Variants in NRXN3 observed in about 807,000 individuals in gnomAD.
The protein encoded by NRXN3 is neurexin 3, also known as neurexin III.
A neutral mutation model predicts 137.6 loss-of-function variants in NRXN3; 32 were observed. That is an observed-to-expected ratio of 0.23 (90% confidence interval 0.18 to 0.31). The LOEUF (loss-of-function observed/expected upper bound fraction) is 0.31, where lower values mean the gene tolerates loss of function less well. Among genes scored for constraint, NRXN3 ranks in the 10% least tolerant of loss-of-function variants. The pLI is 1.00. For synonymous variants in NRXN3, 798 were observed against 784.5 expected, an observed-to-expected ratio of 1.02 and a Z score of -0.29; for missense variants, 1,574 against 2,062.5, an observed-to-expected ratio of 0.76 and a Z score of 4.59.
intron 17 of NRXN3, among the ~76,000 whole-genome samples, chr14:79,672,098 C>A (rs934203109): frequency 6.6e-6 from 1 of 151,980 alleles, no homozygotes; most frequent in Non-Finnish European, 1.5e-5. Flanking sequence ...GTGAACAGGG[C>A]ATGCTTTTGG....
At chr14:79,321,505 A>G (rs1265441209) in intron 15 of NRXN3, among the ~76,000 whole-genome samples, 2 of 152,160 alleles carry the variant, frequency 1.3e-5, no homozygotes, top group East Asian at 1.9e-4. Flanking sequence ...AGGACATTCT[A>G]TTTTTCATTA....
chr14:79,554,412 A>G (rs540877993), intron 16 of NRXN3, among the ~76,000 whole-genome samples: 1 of 152,272 alleles, frequency 6.6e-6, no homozygotes, highest in Admixed American at 6.5e-5. Context: ...AAATACTCAA[A>G]CCTATTTCCT....
intron 15 of NRXN3, among the ~76,000 whole-genome samples, chr14:79,071,078 A>C (rs1337540237): frequency 2.0e-5 from 3 of 152,134 alleles, no homozygotes; most frequent in Non-Finnish European, 4.4e-5. Flanking sequence ...CCTGAAAAGG[A>C]ATTAAGAATC....
chr14:78,584,173 T>G (rs2097034801), intron 4 of NRXN3, among the ~76,000 whole-genome samples: 1 of 152,154 alleles, frequency 6.6e-6, no homozygotes, highest in African/African-American at 2.4e-5. Context: ...ATCTCCTGTA[T>G]GTGGACCATC....
At position 78,242,832 on chromosome 14, in the gene NRXN3, T is replaced by G. The variant is rs2153452993; in HGVS notation, c.-262T>G. 188 of 425,346 alleles carry G rather than the reference T, an allele frequency of 4.4e-4. No individual in the cohort carries two copies. The highest frequency in any genetic ancestry group is 8.9e-4 in the East Asian group (24 of 26,824). The allele number at this position is 425,346 out of a possible 1,614,324, so 26.3% of individuals were successfully genotyped here. A position where few individuals can be genotyped will look rare whatever the true frequency, so the allele number is the denominator to read the frequency against. On this transcript the variant is annotated 5_prime_UTR_variant, in exon 2 of 21. Transcript: ENST00000335750. ...TCCAGTCCCTCACTTCCCCACCTGA[T>G]TTTCCTCCTCTTCTGCTGGTCCTGT...
chr14:78,869,408 A>T (rs1041596168), intron 10 of NRXN3, among the ~76,000 whole-genome samples: 63 of 152,218 alleles, frequency 4.1e-4, no homozygotes, highest in African/African-American at 1.5e-3. Flanking sequence ...AAATCTAATC[A>T]CATCTCCCAC....
intron 16 of NRXN3, among the ~76,000 whole-genome samples, chr14:79,655,308 A>C (rs1197005459): frequency 6.6e-6 from 1 of 151,718 alleles, no homozygotes; most frequent in Non-Finnish European, 1.5e-5. Flanking sequence ...CTCTGTGAGC[A>C]TGCATTTCAA....
At chr14:78,324,145 G>A (rs2079743659) in intron 4 of NRXN3, among the ~76,000 whole-genome samples, 1 of 152,102 alleles carries the variant, frequency 6.6e-6, no homozygotes, top group Admixed American at 6.5e-5. Context: ...TAACCACTAT[G>A]CTCTGCAGCC....
intron 10 of NRXN3, among the ~76,000 whole-genome samples, chr14:78,936,043 A>G (rs932717427): frequency 1.3e-5 from 2 of 152,152 alleles, no homozygotes; most frequent in African/African-American, 4.8e-5. Context: ...CATTCTTTTT[A>G]AATTCACCTT....
chr14:78,915,344 G>GAAAAAAAAAAAAAAAA (rs2099251929), intron 10 of NRXN3, among the ~76,000 whole-genome samples: 1 of 4,166 alleles, frequency 2.4e-4, no homozygotes, highest in African/African-American at 1.1e-3. Flanking sequence ...TACGTGTGAA[G>GAAAAAAAAAAAAAAAA]CAAAAAAAAA....
At chr14:79,398,653 C>T (rs749320050) in intron 15 of NRXN3, among the ~76,000 whole-genome samples, 1 of 151,974 alleles carries the variant, frequency 6.6e-6, no homozygotes, top group African/African-American at 2.4e-5. Flanking sequence ...GGAAATAGTG[C>T]TATCAAAGTA....
chr14:79,421,324 T>G (rs948694668), intron 15 of NRXN3, among the ~76,000 whole-genome samples: 1 of 152,218 alleles, frequency 6.6e-6, no homozygotes, highest in Non-Finnish European at 1.5e-5. Context: ...TGATAAAATT[T>G]ATGAGAAACT....
chr14:78,456,631 T>A (rs1347238803), intron 4 of NRXN3, among the ~76,000 whole-genome samples: 5 of 152,158 alleles, frequency 3.3e-5, no homozygotes, highest in African/African-American at 1.2e-4. Flanking sequence ...TGCATTCATT[T>A]ATTCCTTCTT....
intron 16 of NRXN3, chr14:79,611,965 G>T (rs1053509792): frequency 3.3e-5 from 5 of 152,184 alleles, no homozygotes; most frequent in African/African-American, 1.2e-4. Context: ...AAGGCAATTA[G>T]GAAATTTTCC....
intron 16 of NRXN3, among the ~76,000 whole-genome samples, chr14:79,649,509 C>A (rs1375371787): frequency 6.6e-6 from 1 of 152,008 alleles, no homozygotes; most frequent in Non-Finnish European, 1.5e-5. Context: ...ATAAGGAAGG[C>A]CCTTTGGGTA....
chr14:79,584,491 G>A (rs1227438573), intron 16 of NRXN3, among the ~76,000 whole-genome samples: 1 of 152,202 alleles, frequency 6.6e-6, no homozygotes, highest in Non-Finnish European at 1.5e-5. Flanking sequence ...AGGGATGGGG[G>A]AGAGCTGGGA....
rs150330556 is a variant in NRXN3 at position 79,562,418 on chromosome 14, C to T, written c.3444+95016C>T. On this transcript the variant is annotated intron_variant, in intron 16 of 20. Coordinates refer to ENST00000335750, the MANE Select transcript of NRXN3 (RefSeq NM_001330195.2). ...ATTGCCTTTATTATTGAAATGAAGACGATACTTAGATCATTGATCTCAATG... is the reference window on the plus strand; with the variant it reads ...ATTGCCTTTATTATTGAAATGAAGATGATACTTAGATCATTGATCTCAATG... 7.0e-3 allele frequency among the ~76,000 whole-genome samples: 1,068 copies of T among 152,156 alleles called. 16 individuals are homozygous for T. Among genetic ancestry groups the T allele is most frequent in the Admixed American group, 0.013 (200 of 15,264 alleles).
intron 15 of NRXN3, among the ~76,000 whole-genome samples, chr14:79,327,326 T>G (rs1172040060): frequency 6.6e-6 from 1 of 152,260 alleles, no homozygotes; most frequent in South Asian, 2.1e-4. Context: ...CCCCTATAGA[T>G]TCTTGATTCA....
In NRXN3 at chr14:79,374,573, C is replaced by A. The variant is rs1210127799; in HGVS notation, c.3263-92648C>A. On this transcript the variant is annotated intron_variant, in intron 15 of 20. Coordinates refer to ENST00000335750, the MANE Select transcript of NRXN3 (RefSeq NM_001330195.2). The stretch of plus-strand genomic sequence containing the variant: ...CTTTCCAATCTGACTCTGGTATACC[C>A]TCACATGGCAGATAGCAGACCCCTT... 6.6e-5 allele frequency among the ~76,000 whole-genome samples: 10 copies of A among 151,818 alleles called. No homozygotes were observed. In the East Asian group the frequency reaches 1.7e-3, roughly 26 times the overall value.
Sources: gnomAD v4.1 joint callset for allele counts (sites outside exome capture counted in the v4.1 genomes callset) on GRCh38, gnomAD v4.1.1 for gene constraint, MANE v1.5 for transcripts, NCBI Gene and HGNC (gene_info 2026-07-23, HGNC 2026-07-21) for gene names.